ANKRD42: variants seen among roughly 807,000 people sequenced by gnomAD.
The protein encoded by ANKRD42 is ankyrin repeat domain-containing protein 42.
ANKRD42 carries 43 observed loss-of-function variants against 51.5 expected under a neutral mutation model. The ratio of observed to expected loss-of-function variants is 0.83; its 90% CI spans 0.65 to 1.08. The LOEUF (loss-of-function observed/expected upper bound fraction) is 1.08. ANKRD42 is among the 50% of genes least tolerant of loss of function. The pLI, the probability that ANKRD42 is intolerant of heterozygous loss-of-function variation, is 0.00. For missense variants in ANKRD42, 608 were observed against 629.3 expected, an observed-to-expected ratio of 0.97 and a Z score of 0.36; for synonymous variants, 203 against 213.0, an observed-to-expected ratio of 0.95 and a Z score of 0.41.
chr11:83,254,793 C>T (rs534808885), intron 11 of ANKRD42, among the ~76,000 whole-genome samples: 2 of 152,276 alleles, frequency 1.3e-5, no homozygotes, highest in Admixed American at 1.3e-4. Flanking sequence ...ACAGTTGTAT[C>T]ATATGCTAAG....
rs1409926002 is a variant in ANKRD42, at chr11:83,196,388, AGT to A, written c.58+1666_58+1667del. 2.4e-4 allele frequency among the ~76,000 whole-genome samples: 28 copies of A among 114,804 alleles called. No homozygotes were observed. In the South Asian group the frequency reaches 5.8e-3, roughly 24 times the overall value. 75.3% of individuals were successfully genotyped at this position (114,804 alleles called of 152,430 possible). On this transcript the variant is annotated intron_variant, in intron 1 of 10. Transcript: ENST00000533342. ...ACTTTAGTAGTAGGATTTGTGTGTGAGTGTGTGAGAGTGTGTGTGTGTGTGTG... is the reference window on the plus strand; with the variant it reads ...ACTTTAGTAGTAGGATTTGTGTGTGAGTGTGAGAGTGTGTGTGTGTGTGTG...
intron 1 of ANKRD42, among the ~76,000 whole-genome samples, chr11:83,196,918 A>G (rs1861680510): frequency 6.6e-6 from 1 of 152,204 alleles, no homozygotes; most frequent in Non-Finnish European, 1.5e-5. Context: ...GAGTAGGGGC[A>G]TGAAGTGATT....
At chr11:83,218,410 G>A (rs146027507) in intron 5 of ANKRD42, among the ~76,000 whole-genome samples, 50 of 152,206 alleles carry the variant, frequency 3.3e-4, no homozygotes, top group South Asian at 1.2e-3. Context: ...CTGGGCTGCC[G>A]CTAAAGCTGC....
downstream of ANKRD42, among the ~76,000 whole-genome samples, chr11:83,258,186 A>G (rs1000114072): frequency 3.3e-5 from 5 of 152,178 alleles, no homozygotes; most frequent in African/African-American, 1.2e-4. Flanking sequence ...GAATGCTTAC[A>G]TTGGACTGTA....
downstream of ANKRD42, among the ~76,000 whole-genome samples, chr11:83,258,225 G>T (rs909982196): frequency 6.6e-6 from 1 of 152,044 alleles, no homozygotes; most frequent in Admixed American, 6.6e-5. Context: ...TCTTATTTAA[G>T]CCACTGCTAT....
intron 5 of ANKRD42, among the ~76,000 whole-genome samples, chr11:83,219,733 G>A (rs761324661): frequency 1.3e-5 from 2 of 152,232 alleles, no homozygotes; most frequent in Non-Finnish European, 2.9e-5. Flanking sequence ...CCCCAAGGAA[G>A]GGGAAAGTTT....
At chr11:83,197,595 AAAC>A (rs1184788670) in intron 1 of ANKRD42, among the ~76,000 whole-genome samples, 15 of 152,206 alleles carry the variant, frequency 9.9e-5, no homozygotes, top group African/African-American at 3.4e-4. Flanking sequence ...GCTGTTTTCA[AAAC>A]AACTTCAGGT....
rs561966054 is a variant in ANKRD42 at position 83,218,728 on chromosome 11, G to T, written c.587-6127G>T. ...GGGGCTGGATGAAGGAGAGTCAGTG[G>T]GGGAGGAGAGTGGGGCTGAGGGAAG... On this transcript the variant is annotated intron_variant, in intron 5 of 10. Transcript: ENST00000533342. 3.9e-5 allele frequency among the ~76,000 whole-genome samples: 6 copies of T among 152,276 alleles called. No homozygotes were observed. In the East Asian group the frequency reaches 1.2e-3, roughly 29 times the overall value.
intron 5 of ANKRD42, among the ~76,000 whole-genome samples, chr11:83,224,179 A>T (rs993010362): frequency 7.9e-5 from 12 of 152,026 alleles, no homozygotes; most frequent in African/African-American, 2.7e-4. Context: ...CTTGTTTATA[A>T]TAAAAAGAAT....
intron 8 of ANKRD42, 93 bp from the exon 9 acceptor site, chr11:83,240,666 T>G (rs1591005547): frequency 3.7e-6 from 5 of 1,361,682 alleles, no homozygotes; most frequent in Admixed American, 2.1e-5. Context: ...GATGGCAGGG[T>G]GTACAGAGTG....
chr11:83,241,692 T>C, intron 9 of ANKRD42, among the ~76,000 whole-genome samples: 1 of 152,198 alleles, frequency 6.6e-6, no homozygotes, highest in East Asian at 1.9e-4. Context: ...ATTTCGATTT[T>C]TATTTGTTCA....
downstream of ANKRD42, chr11:83,262,054 G>A: frequency 4.6e-6 from 4 of 866,738 alleles, no homozygotes; most frequent in South Asian, 1.9e-5. Flanking sequence ...TAAGTGAAGA[G>A]CAAAAAACAG....
At position 83,214,667 on chromosome 11, in the gene ANKRD42, A is replaced by G. The variant is rs78949728; in HGVS notation, c.586+3237A>G. On this transcript the variant is annotated intron_variant, in intron 5 of 10. Transcript: ENST00000533342. ...TCATTTGTATCAAATTTGATAATGT[A>G]TAAAGATCAAATCAAGGTAATTGGG... 4,249 of 628,296 alleles carry G rather than the reference A, an allele frequency of 6.8e-3. 156 individuals are homozygous for G. In the African/African-American group the frequency reaches 0.071, roughly 11 times the overall value. The allele number at this position is 628,296 out of a possible 1,614,324, so 38.9% of individuals were successfully genotyped here. A position where few individuals can be genotyped will look rare whatever the true frequency, so the allele number is the denominator to read the frequency against.
At chr11:83,237,507 C>T (rs1863259203) in intron 8 of ANKRD42, among the ~76,000 whole-genome samples, 2 of 152,210 alleles carry the variant, frequency 1.3e-5, no homozygotes, top group Non-Finnish European at 2.9e-5. Flanking sequence ...AGGCTGGAAT[C>T]TAAACTAGGA....
chr11:83,259,190 A>T (rs943525643), downstream of ANKRD42: 6 of 152,222 alleles, frequency 3.9e-5, no homozygotes, highest in Non-Finnish European at 8.8e-5. Flanking sequence ...TAGGAAAAAG[A>T]TACGTATAAT....
rs143312508 is a variant in ANKRD42 at position 83,240,819 on chromosome 11, C to T, written c.1080C>T (p.Asp360=). The T allele has an allele frequency of 6.9e-5, 111 of 1,613,824 alleles. No individual in the cohort carries two copies. The highest frequency in any genetic ancestry group is 1.3e-4 in the African/African-American group (10 of 74,954). ...AGCTACAGAAATATGATATAGATGA[C>T]GAAAATGAAATTGATGAAAATGATG... ...LEELQKYDID[D]ENEIDENDVK... The change falls in exon 9 of 11, where the codon GAC becomes GAT. Residue 360 remains aspartate (D), a synonymous_variant. Transcript: ENST00000533342.
At chr11:83,255,120 G>A (rs1201973145) in intron 11 of ANKRD42, among the ~76,000 whole-genome samples, 1 of 152,198 alleles carries the variant, frequency 6.6e-6, no homozygotes, top group East Asian at 1.9e-4. Flanking sequence ...CCAGGGATAT[G>A]CACCTTTTGC....
chr11:83,211,289 C>T lies in ANKRD42; in HGVS notation c.451-6C>T, dbSNP rs1862306017. On this transcript the variant is annotated splice_region_variant and splice_polypyrimidine_tract_variant and intron_variant, in intron 4 of 10. Coordinates refer to ENST00000533342, the MANE Select transcript of ANKRD42 (RefSeq NM_001300975.2). ...GAAACTAAGTCCTTGTGAATGTTAC[C>T]TCTAGGATCCCAGTGTGACTGATAA... 4 of 1,613,938 alleles carry T rather than the reference C, an allele frequency of 2.5e-6. No homozygotes were observed. Among genetic ancestry groups the T allele is most frequent in the South Asian group, 1.1e-5 (1 of 91,084 alleles).
chr11:83,239,716 T>G (rs184725865), intron 8 of ANKRD42, among the ~76,000 whole-genome samples: 23 of 152,362 alleles, frequency 1.5e-4, no homozygotes, highest in Non-Finnish European at 2.8e-4. Context: ...TTCTGAACTA[T>G]TTTATCCATT....
Sources: gnomAD v4.1 joint callset for allele counts (sites outside exome capture counted in the v4.1 genomes callset) on GRCh38, gnomAD v4.1.1 for gene constraint, MANE v1.5 for transcripts, NCBI Gene and HGNC (gene_info 2026-07-23, HGNC 2026-07-21) for gene names.